The following ZNF672 variants were observed in gnomAD, a reference collection of about 807,000 sequenced individuals.
ZNF672 encodes hypothetical protein FLJ22301.
For synonymous variants in ZNF672, 358 were observed against 305.6 expected, an observed-to-expected ratio of 1.17 and a Z score of -1.79; for missense variants, 733 against 701.1, an observed-to-expected ratio of 1.05 and a Z score of -0.51.
rs781568031 is a variant in ZNF672 at position 248,849,024 on chromosome 1, TCTC to T, written c.*394_*396del. The T allele has an allele frequency of 5.9e-6, 3 of 508,740 alleles. No homozygotes were observed. The highest frequency in any genetic ancestry group is 3.1e-5 in the South Asian group (2 of 64,898). The allele number at this position is 508,740 out of a possible 1,614,324, so 31.5% of individuals were successfully genotyped here. A position where few individuals can be genotyped will look rare whatever the true frequency, so the allele number is the denominator to read the frequency against. On this transcript the variant is annotated 3_prime_UTR_variant, in exon 4 of 4. Coordinates refer to ENST00000306562, the MANE Select transcript of ZNF672 (RefSeq NM_024836.3). ...TCCTATCTCATTCCAGCCCACATCT[TCTC>T]CTTTCCTGATTACTTTTGTTGTCCT...
chr1:248,842,729 C>G (rs1664699760), intron 1 of ZNF672: 1 of 152,102 alleles, frequency 6.6e-6, no homozygotes, highest in African/African-American at 2.4e-5. Flanking sequence ...TCAGGGCAGT[C>G]TAGGGGTATC....
Position 248,847,221 on chromosome 1 carries a change from G to T in ZNF672, c.-54G>T. 6.4e-7 allele frequency: 1 copy of T among 1,565,902 alleles called. No individual in the cohort carries two copies. Among genetic ancestry groups the T allele is most frequent in the South Asian group, 1.2e-5 (1 of 85,358 alleles). On this transcript the variant is annotated 5_prime_UTR_variant, in exon 4 of 4. The change creates a new upstream start codon in the 5' untranslated region. Coordinates refer to ENST00000306562, the MANE Select transcript of ZNF672 (RefSeq NM_024836.3). ...GAAGTAAAACTTAGCTGCAGCGTCA[G>T]GAGGTGGACCCCAGAGTGTGAGTGG...
rs566485252 is a variant in ZNF672 at position 248,844,664 on chromosome 1, C to G, written c.-321+28C>G. On this transcript the variant is annotated intron_variant, in intron 2 of 3. Coordinates refer to ENST00000306562, the MANE Select transcript of ZNF672 (RefSeq NM_024836.3). Reference sequence around the variant, plus strand: ...ATTGTTGTTTATATGCCGTTTAAGTCTACACGTTGGTATTTGTGCATTTGC... The same window carrying G: ...ATTGTTGTTTATATGCCGTTTAAGTGTACACGTTGGTATTTGTGCATTTGC... 3 of 152,388 alleles carry G rather than the reference C, an allele frequency of 2.0e-5. No individual in the cohort carries two copies. In the East Asian group the frequency reaches 5.8e-4, roughly 29 times the overall value. The allele number at this position is 152,388 out of a possible 1,614,324, so 9.4% of individuals were successfully genotyped here.
In ZNF672 at chr1:248,847,508, C is replaced by A. The variant is rs1482834390; in HGVS notation, c.234C>A (p.Ser78Arg). ...ACATCTGCAGTGAGTGCGGACAAAG[C>A]TTCCGCCACAGCGGCCGTCTTGACC... is the stretch of plus-strand genomic sequence containing the variant. ...TLYICSECGQ[S>R]FRHSGRLDLH... The change falls in exon 4 of 4, where the codon AGC becomes AGA. Residue 78 changes from serine (S) to arginine (R), a missense_variant. By Grantham distance (110) the Ser-to-Arg change is moderately radical. Coordinates refer to ENST00000306562, the MANE Select transcript of ZNF672 (RefSeq NM_024836.3). 6.3e-7 allele frequency: 1 copy of A among 1,598,014 alleles called. No homozygotes were observed. Among genetic ancestry groups the A allele is most frequent in the East Asian group, 2.3e-5 (1 of 43,636 alleles).
At chr1:248,843,063 C>T (rs1468588741) in intron 1 of ZNF672, among the ~76,000 whole-genome samples, 1 of 152,122 alleles carries the variant, frequency 6.6e-6, no homozygotes, top group East Asian at 1.9e-4. Flanking sequence ...TGCAAGCCTC[C>T]TGGGGCCTTT....
At position 248,847,292 on chromosome 1, in the gene ZNF672, G is replaced by A. The variant is rs776107209; in HGVS notation, c.18G>A (p.Gly6=). 6.2e-7 allele frequency: 1 copy of A among 1,602,302 alleles called. No homozygotes were observed. The highest frequency in any genetic ancestry group is 8.5e-7 in the Non-Finnish European group (1 of 1,169,930). MFATS[G]AVAAGKPYSC... Reference sequence around the variant, plus strand: ...TCCTCACCATGTTTGCCACATCTGGGGCAGTGGCAGCGGGGAAGCCTTACT... The same window carrying A: ...TCCTCACCATGTTTGCCACATCTGGAGCAGTGGCAGCGGGGAAGCCTTACT... The change falls in exon 4 of 4, where the codon GGG becomes GGA. Residue 6 remains glycine, a synonymous_variant. Transcript: ENST00000306562.
At position 248,847,986 on chromosome 1, in the gene ZNF672, G is replaced by C. The variant is rs1326077389; in HGVS notation, c.712G>C (p.Glu238Gln). Residue 238 changes from glutamate to glutamine, a missense_variant, in exon 4 of 4, where the codon GAG becomes CAG. Transcript: ENST00000306562. ...CCCGGAGTGCGGCAAGGGCTTCCTG[G>C]AGAGCGCCACGCTGGTGCGCCACCA... ...KCPECGKGFL[E>Q]SATLVRHQRT... is the part of the protein sequence containing the mutation. 6.4e-7 allele frequency: 1 copy of C among 1,558,514 alleles called. No individual in the cohort carries two copies. The highest frequency in any genetic ancestry group is 8.7e-7 in the Non-Finnish European group (1 of 1,152,868).
At position 248,849,133 on chromosome 1, in the gene ZNF672, ACT is replaced by A. The variant is rs1390476842; in HGVS notation, c.*503_*504del. ...CTTCTTGACTCTTGGTTCCCTGTTAACTCTGTTTCTGAGAAATGTGGGTATGG... is the reference window on the plus strand; with the variant it reads ...CTTCTTGACTCTTGGTTCCCTGTTAACTGTTTCTGAGAAATGTGGGTATGG... On this transcript the variant is annotated 3_prime_UTR_variant, in exon 4 of 4. Coordinates refer to ENST00000306562, the MANE Select transcript of ZNF672 (RefSeq NM_024836.3). The A allele has an allele frequency of 6.4e-6, 3 of 469,418 alleles. No homozygotes were observed. Among genetic ancestry groups the A allele is most frequent in the Non-Finnish European group, 1.3e-5 (3 of 226,418 alleles). The allele number at this position is 469,418 out of a possible 1,614,324, so 29.1% of individuals were successfully genotyped here.
At chr1:248,840,451 A>G (rs990309272) in intron 1 of ZNF672, among the ~76,000 whole-genome samples, 2 of 152,276 alleles carry the variant, frequency 1.3e-5, no homozygotes, top group South Asian at 2.1e-4. Flanking sequence ...TCTACTGTCT[A>G]AGATCAGACA....
Position 248,847,645 on chromosome 1 carries a change from CAG to C in ZNF672, c.374_375del (p.Glu125AlafsTer32), listed in dbSNP as rs1253520379. 2 of 1,508,122 alleles carry C rather than the reference CAG, an allele frequency of 1.3e-6. No individual in the cohort carries two copies. Among genetic ancestry groups the C allele is most frequent in the Admixed American group, 4.2e-5 (2 of 47,680 alleles). 93.4% of individuals were successfully genotyped at this position (1,508,122 alleles called of 1,614,324 possible). On this transcript the variant is annotated frameshift_variant, in exon 4 of 4. Transcript: ENST00000306562. LOFTEE classifies it low-confidence loss of function (END_TRUNC). Reference sequence around the variant, plus strand: ...CTACACCGGCGCCGCCAGCATCTGCCAGAGCGGCCCCGCCGCTGCCCGCTGTG... The same window carrying C: ...CTACACCGGCGCCGCCAGCATCTGCCAGCGGCCCCGCCGCTGCCCGCTGTG...
At position 248,848,293 on chromosome 1, in the gene ZNF672, G is replaced by T. The variant is rs1043038153; in HGVS notation, c.1019G>T (p.Arg340Leu). 6.2e-7 allele frequency: 1 copy of T among 1,602,716 alleles called. No individual in the cohort carries two copies. The highest frequency in any genetic ancestry group is 1.7e-5 in the Admixed American group (1 of 59,984). ...ACGCACACGGGCGAGAAGCCCTACC[G>T]CTGCGAACTGTGCGGCAAGCGGTTC... Reference protein sequence around the residue: ...RRTHTGEKPYRCELCGKRFTC... With the variant: ...RRTHTGEKPYLCELCGKRFTC... Residue 340 changes from arginine (R) to leucine (L), a missense_variant, in exon 4 of 4, where the codon CGC (arginine) becomes CTC (leucine). Arg to Leu is a moderately radical substitution (Grantham distance 102). Transcript: ENST00000306562.
chr1:248,849,019 C>T lies in ZNF672; in HGVS notation c.*386C>T, dbSNP rs1197087812. ...TCTTGTCCTATCTCATTCCAGCCCACATCTTCTCCTTTCCTGATTACTTTT... is the reference window on the plus strand; with the variant it reads ...TCTTGTCCTATCTCATTCCAGCCCATATCTTCTCCTTTCCTGATTACTTTT... On this transcript the variant is annotated 3_prime_UTR_variant, in exon 4 of 4. Transcript: ENST00000306562. The T allele has an allele frequency of 3.9e-6, 2 of 515,732 alleles. No homozygotes were observed. Among genetic ancestry groups the T allele is most frequent in the South Asian group, 1.5e-5 (1 of 64,984 alleles). 31.9% of individuals were successfully genotyped at this position (515,732 alleles called of 1,614,324 possible). A position where few individuals can be genotyped will look rare whatever the true frequency, so the allele number is the denominator to read the frequency against.
chr1:248,844,236 A>G (rs1334611721), intron 1 of ZNF672, among the ~76,000 whole-genome samples: 2 of 151,990 alleles, frequency 1.3e-5, no homozygotes, highest in African/African-American at 2.4e-5. Flanking sequence ...TTTTTTAGTT[A>G]TATGTATAGT....
rs1215343519 is a variant in ZNF672, at chr1:248,849,008, A to C, written c.*375A>C. ...ATTCTGTCTTCTCTTGTCCTATCTC[A>C]TTCCAGCCCACATCTTCTCCTTTCC... On this transcript the variant is annotated 3_prime_UTR_variant, in exon 4 of 4. Transcript: ENST00000306562. 1.9e-6 allele frequency: 1 copy of C among 526,802 alleles called. No homozygotes were observed. Among genetic ancestry groups the C allele is most frequent in the East Asian group, 5.2e-5 (1 of 19,126 alleles). The allele number at this position is 526,802 out of a possible 1,614,324, so 32.6% of individuals were successfully genotyped here. A position where few individuals can be genotyped will look rare whatever the true frequency, so the allele number is the denominator to read the frequency against.
chr1:248,842,361 C>T (rs1298032845), intron 1 of ZNF672, among the ~76,000 whole-genome samples: 1 of 152,098 alleles, frequency 6.6e-6, no homozygotes, highest in East Asian at 1.9e-4. Flanking sequence ...AAAGATTTTC[C>T]TGTGAAATCT....
At chr1:248,843,293 G>A (rs1361607452) in intron 1 of ZNF672, among the ~76,000 whole-genome samples, 1 of 152,220 alleles carries the variant, frequency 6.6e-6, no homozygotes, top group East Asian at 1.9e-4. Context: ...ATTCTTGTGT[G>A]TTAATACCAG....
At chr1:248,841,874 C>A (rs1431965554) in intron 1 of ZNF672, among the ~76,000 whole-genome samples, 1 of 152,040 alleles carries the variant, frequency 6.6e-6, no homozygotes, top group Non-Finnish European at 1.5e-5. Context: ...GCCGAGATCA[C>A]ACTGAGATGG....
At chr1:248,841,280 C>T (rs529714344) in intron 1 of ZNF672, among the ~76,000 whole-genome samples, 1 of 152,362 alleles carries the variant, frequency 6.6e-6, no homozygotes, top group Non-Finnish European at 1.5e-5. Flanking sequence ...TTCTGTGTGC[C>T]CAAGTCCTTG....
rs767506913 is a variant in ZNF672 at position 248,847,689 on chromosome 1, C to T, written c.415C>T (p.Gln139Ter). The change falls in exon 4 of 4, where the codon CAG (glutamine) becomes TAG (stop). Residue 139 changes from glutamine to a stop codon, truncating the protein, a stop_gained. Coordinates refer to ENST00000306562, the MANE Select transcript of ZNF672 (RefSeq NM_024836.3). LOFTEE classifies it low-confidence loss of function (END_TRUNC). The part of the protein sequence containing the change: ...RCPLCARTFR[Q>*]SALLFHQARA... ...CCCGCTGTGCGCCCGCACCTTCCGG[C>T]AGAGCGCGCTGCTCTTCCACCAGGC... 2.7e-6 allele frequency: 4 copies of T among 1,471,350 alleles called. No homozygotes were observed. In the South Asian group the frequency reaches 4.0e-5, roughly 15 times the overall value. The allele number at this position is 1,471,350 out of a possible 1,614,324, so 91.1% of individuals were successfully genotyped here.
Sources: gnomAD v4.1 joint callset for allele counts (sites outside exome capture counted in the v4.1 genomes callset) on GRCh38, gnomAD v4.1.1 for gene constraint, MANE v1.5 for transcripts, NCBI Gene and HGNC (gene_info 2026-07-23, HGNC 2026-07-21) for gene names.